The following LEPROTL1 variants were observed in gnomAD, a reference collection of about 807,000 sequenced individuals.
LEPROTL1 encodes leptin receptor overlapping transcript like 1.
A neutral mutation model predicts 15.4 loss-of-function variants in LEPROTL1; 6 were observed. The ratio of observed to expected loss-of-function variants is 0.39; its 90% CI spans 0.21 to 0.77. The LOEUF is 0.77. LEPROTL1 is among the 30% of genes least tolerant of loss of function. The pLI is 0.41. For synonymous variants in LEPROTL1, 56 were observed against 52.6 expected, an observed-to-expected ratio of 1.06 and a Z score of -0.28; for missense variants, 128 against 158.1, an observed-to-expected ratio of 0.81 and a Z score of 1.02.
chr8:30,123,908 T>C (rs1802870191), intron 3 of LEPROTL1, among the ~76,000 whole-genome samples: 1 of 151,704 alleles, frequency 6.6e-6, no homozygotes, highest in Admixed American at 6.6e-5. Context: ...AGCATCTCTA[T>C]CCACAGAGAC....
intron 3 of LEPROTL1, among the ~76,000 whole-genome samples, chr8:30,120,063 CAATAAATAAATAAATA>C (rs201416312): frequency 3.0e-5 from 3 of 100,430 alleles, no homozygotes; most frequent in African/African-American, 8.8e-5. Context: ...GAGACTCCAT[CAATAAATAAATAAATA>C]AATAAATAAA....
At chr8:30,131,574 T>C (rs1803016945) in intron 3 of LEPROTL1, among the ~76,000 whole-genome samples, 1 of 152,126 alleles carries the variant, frequency 6.6e-6, no homozygotes, top group South Asian at 2.1e-4. Context: ...TTGCTAAAGT[T>C]CCCATTCCAG....
intron 4 of LEPROTL1, among the ~76,000 whole-genome samples, chr8:30,133,868 C>G (rs531429721): frequency 1.9e-4 from 29 of 151,320 alleles, no homozygotes; most frequent in African/African-American, 6.8e-4. Flanking sequence ...ACACTTCTGA[C>G]AAACAGAGCC....
rs766256069 is a variant in LEPROTL1 at position 30,132,534 on chromosome 8, C to T, written c.394+45C>T. ...CTGTGGTCCACACGACATAGATGCACTCGAATTGCTGGCAATCAGTCAGTC... is the reference window on the plus strand; with the variant it reads ...CTGTGGTCCACACGACATAGATGCATTCGAATTGCTGGCAATCAGTCAGTC... On this transcript the variant is annotated intron_variant, in intron 4 of 4. Transcript: ENST00000442880. The T allele has an allele frequency of 5.2e-5, 80 of 1,551,634 alleles. 1 individual carries two copies. Among genetic ancestry groups the T allele is most frequent in the South Asian group, 4.2e-4 (35 of 84,070 alleles).
intron 2 of LEPROTL1, 120 bp from the exon 3 acceptor site, chr8:30,104,180 A>G (rs747830610): frequency 4.6e-5 from 23 of 501,638 alleles, no homozygotes; most frequent in Non-Finnish European, 7.4e-5. Flanking sequence ...CTTTATGCTA[A>G]GGTTGGGTAT....
chr8:30,137,299 A>T, exon 5 of LEPROTL1: 9 of 1,551,682 alleles, frequency 5.8e-6, no homozygotes, highest in Non-Finnish European at 7.0e-6. Context: ...CTTCAGCAAG[A>T]TGGGAACAGC....
chr8:30,095,670 G>A, intron 1 of LEPROTL1, 142 bp downstream of exon 1: 1 of 774,754 alleles, frequency 1.3e-6, no homozygotes, highest in Non-Finnish European at 1.9e-6. Flanking sequence ...CCCCGCCCCG[G>A]CCCTGCGCTT....
intron 4 of LEPROTL1, chr8:30,132,561 C>G (rs978057179): frequency 6.4e-7 from 1 of 1,551,592 alleles, no homozygotes; most frequent in Non-Finnish European, 8.7e-7. Context: ...CAGTCAGTCC[C>G]GCTCCTGCAT....
chr8:30,137,836 T>G, downstream of LEPROTL1: 1 of 308,620 alleles, frequency 3.2e-6, no homozygotes, highest in Non-Finnish European at 6.1e-6. Context: ...GATTAGAAAT[T>G]ATGGTTTAGG....
chr8:30,126,853 C>T (rs1282167540), intron 3 of LEPROTL1, among the ~76,000 whole-genome samples: 1 of 152,096 alleles, frequency 6.6e-6, no homozygotes, highest in Non-Finnish European at 1.5e-5. Context: ...TCCTGGCCAT[C>T]ATGGCAAATC....
At chr8:30,102,066 A>T (rs1368722050) in intron 2 of LEPROTL1, 93 bp downstream of exon 2, 1 of 665,226 alleles carries the variant, frequency 1.5e-6, no homozygotes, top group East Asian at 2.9e-5. Flanking sequence ...TGTAAAAGTA[A>T]TGCAGAGAAA....
chr8:30,123,782 A>C (rs567834923), intron 3 of LEPROTL1, among the ~76,000 whole-genome samples: 5 of 152,324 alleles, frequency 3.3e-5, no homozygotes, highest in Admixed American at 1.3e-4. Flanking sequence ...AAATGAACCA[A>C]ATAGAGCAGA....
At chr8:30,112,364 T>C (rs1186025064), downstream of LEPROTL1, among the ~76,000 whole-genome samples, 1 of 144,988 alleles carries the variant, frequency 6.9e-6, no homozygotes, top group Non-Finnish European at 1.5e-5. Context: ...GCCTCCCGAG[T>C]AGCTGGATCA....
At chr8:30,104,572 A>G (rs1802528842) in intron 3 of LEPROTL1, 86 bp downstream of exon 3, 1 of 775,010 alleles carries the variant, frequency 1.3e-6, no homozygotes, top group East Asian at 2.8e-5. Context: ...AATGACATGA[A>G]AAGAGGTGAA....
At chr8:30,132,399 A>T (rs1803041364) in exon 4 of LEPROTL1, 1 of 1,551,630 alleles carries the variant, frequency 6.4e-7, no homozygotes, top group Non-Finnish European at 8.7e-7. Flanking sequence ...CATCGGGGAC[A>T]TATCCCTCCT....
In LEPROTL1 at chr8:30,107,043, A is replaced by G; in HGVS notation, c.*1181A>G. 1.0e-5 allele frequency: 10 copies of G among 975,202 alleles called. No individual in the cohort carries two copies. The highest frequency in any genetic ancestry group is 9.7e-6 in the Non-Finnish European group (8 of 820,656). The allele number at this position is 975,202 out of a possible 1,614,324, so 60.4% of individuals were successfully genotyped here. The stretch of plus-strand genomic sequence containing the variant: ...AACAGTTTAAGATTTAGACCATGGT[A>G]ATAGTAGTTCTTATTCTCTAAGGTT... On this transcript the variant is annotated 3_prime_UTR_variant, in exon 4 of 4. Transcript: ENST00000321250.
At chr8:30,104,041 A>G (rs902166534) in intron 2 of LEPROTL1, among the ~76,000 whole-genome samples, 1 of 152,202 alleles carries the variant, frequency 6.6e-6, no homozygotes, top group East Asian at 1.9e-4. Context: ...AGTAAAAGCC[A>G]TCTATTTTTA....
chr8:30,096,301 C>T, intron 1 of LEPROTL1: 1 of 981,290 alleles, frequency 1.0e-6, no homozygotes, highest in Non-Finnish European at 1.2e-6. Context: ...TGCATTTGTT[C>T]CACCTGTTAG....
At chr8:30,111,587 A>C (rs1802653153), downstream of LEPROTL1, among the ~76,000 whole-genome samples, 1 of 152,204 alleles carries the variant, frequency 6.6e-6, no homozygotes, top group Non-Finnish European at 1.5e-5. Context: ...TACATGCCGC[A>C]TTCCAGGTAC....
Sources: gnomAD v4.1 joint callset for allele counts (sites outside exome capture counted in the v4.1 genomes callset) on GRCh38, gnomAD v4.1.1 for gene constraint, MANE v1.5 for transcripts, NCBI Gene and HGNC (gene_info 2026-07-23, HGNC 2026-07-21) for gene names.